Variants in SLC35F4 observed in about 807,000 individuals in gnomAD.
SLC35F4 encodes solute carrier family 35 member F4.
A neutral mutation model predicts 44.2 loss-of-function variants in SLC35F4; 24 were observed. That is an observed-to-expected ratio of 0.54 (90% CI 0.39 to 0.76). SLC35F4 has a LOEUF of 0.76. SLC35F4 is among the 30% of genes least tolerant of loss of function. The pLI is 0.00. For synonymous variants in SLC35F4, 238 were observed against 223.6 expected (o/e 1.06, Z -0.57); for missense variants, 562 against 586.1 (o/e 0.96, Z 0.42).
chr14:57,776,295 C>G (rs2077485563), intron 1 of SLC35F4, among the ~76,000 whole-genome samples: 1 of 152,116 alleles, frequency 6.6e-6, no homozygotes, highest in Admixed American at 6.6e-5. Context: ...GGAAATGCAA[C>G]AAACCCCTGC....
At chr14:57,968,337 C>G (rs1418139831) in intron 1 of SLC35F4, among the ~76,000 whole-genome samples, 2 of 152,216 alleles carry the variant, frequency 1.3e-5, no homozygotes, top group African/African-American at 4.8e-5. Flanking sequence ...CATAGACAGT[C>G]TGGACTCTAG....
chr14:57,783,536 T>C (rs911542088), intron 1 of SLC35F4, among the ~76,000 whole-genome samples: 8 of 152,132 alleles, frequency 5.3e-5, no homozygotes, highest in Non-Finnish European at 1.5e-5. Flanking sequence ...CCCTTATCAA[T>C]AAAGTTGCTA....
At chr14:57,711,572 T>C (rs1370399348) in intron 1 of SLC35F4, among the ~76,000 whole-genome samples, 3 of 152,186 alleles carry the variant, frequency 2.0e-5, no homozygotes, top group African/African-American at 7.2e-5. Flanking sequence ...AAAGCCTCTG[T>C]TCCAGAATTA....
chr14:57,852,417 TG>T (rs1332348715), intron 1 of SLC35F4, among the ~76,000 whole-genome samples: 4 of 152,164 alleles, frequency 2.6e-5, no homozygotes, highest in Admixed American at 2.0e-4. Context: ...TCTTATAAGC[TG>T]CGTTCAGAGT....
At chr14:57,646,562 CA>C (rs1352335729) in intron 1 of SLC35F4, among the ~76,000 whole-genome samples, 1 of 151,982 alleles carries the variant, frequency 6.6e-6, no homozygotes, top group Non-Finnish European at 1.5e-5. Context: ...TTGATCTTTT[CA>C]AAAAACCAGT....
chr14:57,908,292 C>T (rs774661064), intron 1 of SLC35F4, among the ~76,000 whole-genome samples: 1 of 152,088 alleles, frequency 6.6e-6, no homozygotes. Flanking sequence ...ATCTATATTC[C>T]TTTGGGTATA....
chr14:57,977,771 T>G (rs982056758), intron 1 of SLC35F4, among the ~76,000 whole-genome samples: 1 of 152,142 alleles, frequency 6.6e-6, no homozygotes, highest in Non-Finnish European at 1.5e-5. Context: ...AGTAGATGAG[T>G]GCCGACTATA....
At chr14:57,914,031 G>A (rs568057048) in intron 1 of SLC35F4, among the ~76,000 whole-genome samples, 1 of 152,326 alleles carries the variant, frequency 6.6e-6, no homozygotes, top group South Asian at 2.1e-4. Flanking sequence ...CTCCTAAAGA[G>A]AAGTTGGATG....
downstream of SLC35F4, among the ~76,000 whole-genome samples, chr14:57,975,903 A>G (rs1015880782): frequency 2.4e-4 from 37 of 152,360 alleles, no homozygotes; most frequent in African/African-American, 8.7e-4. Context: ...CATACTGGTC[A>G]GCAAGACTTA....
chr14:57,721,821 T>C (rs2076091993), intron 1 of SLC35F4, among the ~76,000 whole-genome samples: 1 of 152,172 alleles, frequency 6.6e-6, no homozygotes, highest in Non-Finnish European at 1.5e-5. Context: ...CCCCAACCCA[T>C]GCTGCCATCA....
At chr14:57,630,768 A>T (rs1269067405) in intron 1 of SLC35F4, 1 of 495,004 alleles carries the variant, frequency 2.0e-6, no homozygotes, top group Non-Finnish European at 3.4e-6. Context: ...TCAGGAATAC[A>T]GTGTTGCAAT....
chr14:57,852,386 A>G (rs1466430689), intron 1 of SLC35F4, among the ~76,000 whole-genome samples: 4 of 152,198 alleles, frequency 2.6e-5, no homozygotes, highest in Non-Finnish European at 4.4e-5. Context: ...GGTGGCAGCT[A>G]AAGAATCAGA....
intron 1 of SLC35F4, among the ~76,000 whole-genome samples, chr14:57,763,402 A>C (rs1396623398): frequency 1.3e-5 from 2 of 152,192 alleles, no homozygotes; most frequent in African/African-American, 4.8e-5. Flanking sequence ...GGTAAAAAGA[A>C]TATCAAATAT....
At chr14:57,857,782 A>G (rs982418433) in intron 1 of SLC35F4, among the ~76,000 whole-genome samples, 2 of 152,056 alleles carry the variant, frequency 1.3e-5, no homozygotes, top group African/African-American at 4.8e-5. Context: ...TTTACAGAGG[A>G]CAGCACATTT....
chr14:57,578,021 T>TACATAATTTATGTATTCATACATAAATG (rs1376204690), intron 4 of SLC35F4, among the ~76,000 whole-genome samples: 1 of 152,168 alleles, frequency 6.6e-6, no homozygotes, highest in African/African-American at 2.4e-5. Flanking sequence ...AAGTTATTCA[T>TACATAATTTATGTATTCATACATAAATG]AATACATAAT....
At chr14:57,868,545 G>A (rs571835433), upstream of SLC35F4, among the ~76,000 whole-genome samples, 96 of 150,586 alleles carry the variant, frequency 6.4e-4, no homozygotes, top group East Asian at 7.2e-3. Context: ...GTGCAATCTC[G>A]GCTCACTGCA....
intron 1 of SLC35F4, among the ~76,000 whole-genome samples, chr14:57,639,134 A>G (rs138208590): frequency 0.028 from 4,204 of 152,218 alleles, 85 homozygotes; most frequent in South Asian, 0.075. Flanking sequence ...ATCAGCTAAT[A>G]TCACTGGTTT....
intron 1 of SLC35F4, among the ~76,000 whole-genome samples, chr14:57,849,593 T>G (rs572626661): frequency 9.9e-5 from 15 of 152,218 alleles, no homozygotes; most frequent in African/African-American, 3.6e-4. Flanking sequence ...AAAACAAGAA[T>G]AAAATGCTAT....
intron 1 of SLC35F4, among the ~76,000 whole-genome samples, chr14:57,765,410 C>T (rs755400160): frequency 1.2e-4 from 18 of 152,088 alleles, no homozygotes; most frequent in Non-Finnish European, 2.1e-4. Flanking sequence ...GAGTATGAGG[C>T]AAAAAGTTGG....
Sources: allele counts gnomAD v4.1 joint callset (sites outside exome capture counted in the v4.1 genomes callset), GRCh38; gene constraint gnomAD v4.1.1; transcripts MANE v1.5; gene names NCBI Gene and HGNC (gene_info 2026-07-23, HGNC 2026-07-21).